PCDHGA12: variants seen among roughly 807,000 people sequenced by gnomAD.
The protein encoded by PCDHGA12 is protocadherin gamma subfamily A, 12, also known as protocadherin gamma-A12.
In PCDHGA12, 43 loss-of-function variants were observed where a neutral mutation model predicts 61.1. The observed-to-expected ratio is 0.70, with a 90% CI of 0.55 to 0.91. The LOEUF is 0.91. PCDHGA12 is among the 40% of genes least tolerant of loss of function. The pLI is 0.00. For synonymous variants in PCDHGA12, 520 were observed against 542.9 expected (o/e 0.96, Z 0.59); for missense variants, 1,236 against 1,227.7 (o/e 1.01, Z -0.10).
Position 141,491,547 on chromosome 5 carries a change from G to A in PCDHGA12, c.2425-3260G>A. On this transcript the variant is annotated intron_variant, in intron 1 of 3. Transcript: ENST00000252085. This position sits in a 1 kb window ranked among gnomAD's most constrained non-coding sequence, Gnocchi z 6.9. ...AGGTGACGCTGCGGCCCACAGACTC[G>A]CAGAGCCACTGCTACAGGACGTGCT... is the stretch of plus-strand genomic sequence containing the variant. The A allele has an allele frequency of 4.3e-6, 7 of 1,613,974 alleles. No individual in the cohort carries two copies. The highest frequency in any genetic ancestry group is 5.9e-6 in the Non-Finnish European group (7 of 1,180,022).
Position 141,489,752 on chromosome 5 carries a change from C to G in PCDHGA12, c.2425-5055C>G. ...GGCACCAATACTGTGAGCTTTTACA[C>G]TCTAAGCCCCAACAGCCACTTCTCT... On this transcript the variant is annotated intron_variant, in intron 1 of 3. Coordinates refer to ENST00000252085, the MANE Select transcript of PCDHGA12 (RefSeq NM_003735.3). This position sits in a 1 kb window ranked among gnomAD's most constrained non-coding sequence, Gnocchi z 4.5. The G allele has an allele frequency of 6.2e-7, 1 of 1,614,136 alleles. No individual in the cohort carries two copies. The highest frequency in any genetic ancestry group is 8.5e-7 in the Non-Finnish European group (1 of 1,179,972).
chr5:141,431,960 T>C lies in PCDHGA12; in HGVS notation c.1201T>C (p.Tyr401His). The change falls in exon 1 of 4, where the codon TAC becomes CAC. Residue 401 changes from tyrosine (Y) to histidine (H), a missense_variant. Transcript: ENST00000252085. This position sits in a 1 kb window ranked among gnomAD's most constrained non-coding sequence, Gnocchi z 4.8. ...TAAATTAGAAAAATCTTACGGAAAT[T>C]ACTATAGTTTAGTCACAGACATAGT... Reference protein sequence around the residue: ...PFKLEKSYGNYYSLVTDIVLD... With the variant: ...PFKLEKSYGNHYSLVTDIVLD... The C allele has an allele frequency of 3.7e-6, 6 of 1,614,166 alleles. No individual in the cohort carries two copies. Among genetic ancestry groups the C allele is most frequent in the Non-Finnish European group, 5.1e-6 (6 of 1,180,034 alleles).
Position 141,491,034 on chromosome 5 carries a change from T to C in PCDHGA12, c.2425-3773T>C, listed in dbSNP as rs375902824. On this transcript the variant is annotated intron_variant, in intron 1 of 3. Coordinates refer to ENST00000252085, the MANE Select transcript of PCDHGA12 (RefSeq NM_003735.3). The surrounding 1 kb of genome is among the most constrained non-coding windows in gnomAD (Gnocchi z 6.9). The stretch of plus-strand genomic sequence containing the variant: ...CCAAGGTGACAGCCGTGGATGCTGA[T>C]GCAGGCCACAATGCGTGGCTCTCCT... 19 of 1,614,170 alleles carry C rather than the reference T, an allele frequency of 1.2e-5. No homozygotes were observed. Among genetic ancestry groups the C allele is most frequent in the East Asian group, 4.5e-5 (2 of 44,894 alleles).
intron 1 of PCDHGA12, among the ~76,000 whole-genome samples, chr5:141,458,809 T>G (rs2098953834): frequency 6.6e-6 from 1 of 152,190 alleles, no homozygotes; most frequent in Non-Finnish European, 1.5e-5. Flanking sequence ...CTCAGCTCAC[T>G]GCAACCTCTG....
At position 141,476,943 on chromosome 5, in the gene PCDHGA12, A is replaced by G. The variant is rs538990482; in HGVS notation, c.2425-17864A>G. On this transcript the variant is annotated intron_variant, in intron 1 of 3. Coordinates refer to ENST00000252085, the MANE Select transcript of PCDHGA12 (RefSeq NM_003735.3). This position sits in a 1 kb window ranked among gnomAD's most constrained non-coding sequence, Gnocchi z 7.6. ...GCAACGGATCTGGATGAAGGCCCCA[A>G]CGGTGAAATTATTTACTCCTTCGGC... 14 of 1,614,170 alleles carry G rather than the reference A, an allele frequency of 8.7e-6. No individual in the cohort carries two copies. Among genetic ancestry groups the G allele is most frequent in the South Asian group, 1.1e-5 (1 of 91,086 alleles).
At position 141,511,127 on chromosome 5, in the gene PCDHGA12, G is replaced by C; in HGVS notation, c.2753G>C (p.Gly918Ala). 1 of 1,614,194 alleles carries C rather than the reference G, an allele frequency of 6.2e-7. No individual in the cohort carries two copies. Among genetic ancestry groups the C allele is most frequent in the Non-Finnish European group, 8.5e-7 (1 of 1,180,018 alleles). The change falls in exon 4 of 4, where the codon GGT becomes GCT. Residue 918 changes from glycine to alanine, a missense_variant. Coordinates refer to ENST00000252085, the MANE Select transcript of PCDHGA12 (RefSeq NM_003735.3). ...AGKRDGKAPA[G>A]GNGNKKKSGK... ...AAGCGGGATGGCAAGGCCCCAGCAG[G>C]TGGCAATGGCAACAAGAAGAAGTCG...
intron 1 of PCDHGA12, among the ~76,000 whole-genome samples, chr5:141,475,364 G>C (rs2099362607): frequency 6.6e-6 from 1 of 152,200 alleles, no homozygotes; most frequent in Admixed American, 6.5e-5. Flanking sequence ...AATAAAATCT[G>C]AATTGTACTT....
chr5:141,492,043 TC>T (rs1323524482), intron 1 of PCDHGA12: 5 of 518,152 alleles, frequency 9.6e-6, no homozygotes, highest in Non-Finnish European at 1.7e-5. Context: ...CAGTCACAGA[TC>T]CACCCCTGCA....
chr5:141,460,924 A>ATG (rs1333352687), intron 1 of PCDHGA12, among the ~76,000 whole-genome samples: 26 of 150,590 alleles, frequency 1.7e-4, no homozygotes, highest in South Asian at 6.3e-4. Flanking sequence ...ATATATATAT[A>ATG]TGTGTGTGTG....
chr5:141,460,961 ATG>A (rs35821115), intron 1 of PCDHGA12, among the ~76,000 whole-genome samples: 22,194 of 144,260 alleles, frequency 0.15, 1,877 homozygotes, highest in South Asian at 0.27. Context: ...GTATATATAT[ATG>A]TGTGTGTGTG....
chr5:141,489,300 C>G lies in PCDHGA12; in HGVS notation c.2425-5507C>G. The G allele has an allele frequency of 6.3e-7, 1 of 1,585,700 alleles. No individual in the cohort carries two copies. The highest frequency in any genetic ancestry group is 1.2e-5 in the South Asian group (1 of 85,012). Reference sequence around the variant, plus strand: ...AATGGCAAGTGCTGTGCATGTTGTCCTTGTGCTGCTGGGGCTGGGTGTCTG... The same window carrying G: ...AATGGCAAGTGCTGTGCATGTTGTCGTTGTGCTGCTGGGGCTGGGTGTCTG... On this transcript the variant is annotated intron_variant, in intron 1 of 3. Coordinates refer to ENST00000252085, the MANE Select transcript of PCDHGA12 (RefSeq NM_003735.3). This position sits in a 1 kb window ranked among gnomAD's most constrained non-coding sequence, Gnocchi z 4.5.
Position 141,490,140 on chromosome 5 carries a change from G to T in PCDHGA12, c.2425-4667G>T. On this transcript the variant is annotated intron_variant, in intron 1 of 3. Transcript: ENST00000252085. This position sits in a 1 kb window ranked among gnomAD's most constrained non-coding sequence, Gnocchi z 5.4. Reference sequence around the variant, plus strand: ...TCTTTGGCCTAGACCCTAGCAGTGGGGCAATCCATGTGTTGGGTCCCATAG... The same window carrying T: ...TCTTTGGCCTAGACCCTAGCAGTGGTGCAATCCATGTGTTGGGTCCCATAG... 1 of 1,614,206 alleles carries T rather than the reference G, an allele frequency of 6.2e-7. No homozygotes were observed. The highest frequency in any genetic ancestry group is 8.5e-7 in the Non-Finnish European group (1 of 1,180,026).
chr5:141,431,190 A>G lies in PCDHGA12; in HGVS notation c.431A>G (p.Glu144Gly), dbSNP rs1363655439. 1 of 1,614,228 alleles carries G rather than the reference A, an allele frequency of 6.2e-7. No homozygotes were observed. Among genetic ancestry groups the G allele is most frequent in the Non-Finnish European group, 8.5e-7 (1 of 1,180,038 alleles). ...AGTGAATTAGAAATAAAAATTAGTGAAAATGCAGCCACTGAGATGCGGTTC... is the reference window on the plus strand; with the variant it reads ...AGTGAATTAGAAATAAAAATTAGTGGAAATGCAGCCACTGAGATGCGGTTC... ...RESELEIKIS[E>G]NAATEMRFPL... The change falls in exon 1 of 4, where the codon GAA (glutamate) becomes GGA (glycine). Residue 144 changes from glutamate (E) to glycine (G), a missense_variant. Transcript: ENST00000252085. This position sits in a 1 kb window ranked among gnomAD's most constrained non-coding sequence, Gnocchi z 4.8.
In PCDHGA12 at chr5:141,430,842, G is replaced by A. The variant is rs935750449; in HGVS notation, c.83G>A (p.Cys28Tyr). ...CTGGGGACTCTGTGGGAGACCGGAT[G>A]CACCCAGATACGCTATTCAGTTCCG... ...ILLGTLWETG[C>Y]TQIRYSVPEE... Residue 28 changes from cysteine (C) to tyrosine (Y), a missense_variant, in exon 1 of 4, where the codon TGC becomes TAC. By Grantham distance (194) the Cys-to-Tyr change is radical. Coordinates refer to ENST00000252085, the MANE Select transcript of PCDHGA12 (RefSeq NM_003735.3). 4 of 1,567,068 alleles carry A rather than the reference G, an allele frequency of 2.6e-6. No homozygotes were observed. Among genetic ancestry groups the A allele is most frequent in the Non-Finnish European group, 3.4e-6 (4 of 1,160,226 alleles).
chr5:141,431,239 G>A lies in PCDHGA12; in HGVS notation c.480G>A (p.Pro160=). 6.2e-7 allele frequency: 1 copy of A among 1,614,152 alleles called. No homozygotes were observed. The highest frequency in any genetic ancestry group is 1.3e-5 in the African/African-American group (1 of 75,062). The change falls in exon 1 of 4, where the codon CCG becomes CCA. Residue 160 remains proline (P), a synonymous_variant. Transcript: ENST00000252085. This position sits in a 1 kb window ranked among gnomAD's most constrained non-coding sequence, Gnocchi z 4.8. ...TCCCTCTACCCCACGCCTGGGATCC[G>A]GATATCGGGAAGAACTCTCTGCAGA... ...MRFPLPHAWD[P]DIGKNSLQSY...
intron 2 of PCDHGA12, 88 bp from the exon 3 acceptor site, chr5:141,505,305 C>G (rs1363643214): frequency 1.0e-5 from 16 of 1,595,104 alleles, no homozygotes; most frequent in African/African-American, 2.7e-5. Flanking sequence ...GGTTAGGGTA[C>G]TAGGTTTGGG....
In PCDHGA12 at chr5:141,489,372, G is replaced by A. The variant is rs1335356378; in HGVS notation, c.2425-5435G>A. 2 of 1,613,814 alleles carry A rather than the reference G, an allele frequency of 1.2e-6. No individual in the cohort carries two copies. Among genetic ancestry groups the A allele is most frequent in the Non-Finnish European group, 1.7e-6 (2 of 1,179,700 alleles). On this transcript the variant is annotated intron_variant, in intron 1 of 3. Transcript: ENST00000252085. The surrounding 1 kb of genome is among the most constrained non-coding windows in gnomAD (Gnocchi z 4.5). ...TGGAGGAGTCTGAGCCGGGGACGCT[G>A]GTGGGGAATGTTGCTCAGGATCTGG...
Position 141,431,334 on chromosome 5 carries a change from C to G in PCDHGA12, c.575C>G (p.Pro192Arg), listed in dbSNP as rs775651426. ...AATGGAGCCGACGGTAGTAAGTACC[C>G]CGAATTGGTGCTGAAACGCGCCCTG... ...VQNGADGSKY[P>R]ELVLKRALDR... The change falls in exon 1 of 4, where the codon CCC (proline) becomes CGC (arginine). Residue 192 changes from proline (P) to arginine (R), a missense_variant. Physicochemically the swap from Pro to Arg is moderately radical, Grantham distance 103. Transcript: ENST00000252085. This position sits in a 1 kb window ranked among gnomAD's most constrained non-coding sequence, Gnocchi z 4.8. 1.9e-6 allele frequency: 3 copies of G among 1,614,118 alleles called. No individual in the cohort carries two copies. The South Asian group carries it at 3.3e-5, about 18-fold the overall frequency.
intron 3 of PCDHGA12, chr5:141,508,415 A>T (rs2099868684): frequency 6.6e-6 from 1 of 152,158 alleles, no homozygotes; most frequent in Non-Finnish European, 1.5e-5. Context: ...CCACGCAGAG[A>T]CTTGACCAAG....
Sources: gnomAD v4.1 joint callset for allele counts (sites outside exome capture counted in the v4.1 genomes callset) on GRCh38, gnomAD v4.1.1 for gene constraint, Gnocchi (gnomAD v3.1) non-coding constraint, MANE v1.5 for transcripts, NCBI Gene and HGNC (gene_info 2026-07-23, HGNC 2026-07-21) for gene names.